RBM39: variants seen among roughly 807,000 people sequenced by gnomAD.
The protein encoded by RBM39 is RNA binding motif protein 39, also known as RNA-binding protein 39.
Under a neutral mutation model 79.6 loss-of-function variants are expected in RBM39, and 12 were observed. The observed-to-expected ratio is 0.15, with a 90% CI of 0.10 to 0.24. The LOEUF is 0.24. Among genes scored for constraint, RBM39 ranks in the 10% least tolerant of loss-of-function variants. RBM39 has a pLI of 1.00. For synonymous variants in RBM39, 185 were observed against 208.4 expected, an observed-to-expected ratio of 0.89 and a Z score of 0.97; for missense variants, 243 against 653.4, an observed-to-expected ratio of 0.37 and a Z score of 6.85.
chr20:35,709,469 C>T (rs1179737102), intron 12 of RBM39, among the ~76,000 whole-genome samples, 195 bp from the exon 13 acceptor site: 2 of 152,116 alleles, frequency 1.3e-5, no homozygotes, highest in African/African-American at 4.8e-5. Context: ...GGGAAACTTA[C>T]TTTTCCCTCT....
At chr20:35,704,784 G>A (rs186008461) in intron 15 of RBM39, 38 bp from the exon 16 acceptor site, 105 of 1,582,102 alleles carry the variant, frequency 6.6e-5, no homozygotes, top group Non-Finnish European at 8.7e-5. Flanking sequence ...AGATGTTGCT[G>A]TATGCAAAAT....
chr20:35,735,063 AT>A, intron 3 of RBM39: 1 of 1,571,754 alleles, frequency 6.4e-7, no homozygotes, highest in Non-Finnish European at 8.6e-7. Context: ...GAAGATCTAA[AT>A]TTTTAATGCA....
intron 8 of RBM39, among the ~76,000 whole-genome samples, chr20:35,722,848 G>T (rs1470012708): frequency 2.0e-5 from 3 of 151,668 alleles, no homozygotes; most frequent in Non-Finnish European, 4.4e-5. Flanking sequence ...GCAGGAGAAT[G>T]GCGTGAACCC....
chr20:35,729,062 T>A (rs1244316284), intron 6 of RBM39, among the ~76,000 whole-genome samples: 1 of 145,690 alleles, frequency 6.9e-6, no homozygotes, highest in Non-Finnish European at 1.5e-5. Context: ...GGTGACTGAG[T>A]GAGACTCCGT....
chr20:35,738,049 C>A (rs939775110), intron 3 of RBM39, among the ~76,000 whole-genome samples: 5 of 149,126 alleles, frequency 3.4e-5, no homozygotes, highest in African/African-American at 7.4e-5. Flanking sequence ...CCCAGCTAAT[C>A]GGAGGCTGAG....
At chr20:35,729,280 T>C in intron 6 of RBM39, 32 bp downstream of exon 6, 1 of 1,542,766 alleles carries the variant, frequency 6.5e-7, no homozygotes, top group South Asian at 1.2e-5. Context: ...AAAAGCTTTT[T>C]AAGAGCTAAA....
At chr20:35,741,750 G>A (rs1175719180) in intron 1 of RBM39, 191 bp downstream of exon 1, 2 of 153,104 alleles carry the variant, frequency 1.3e-5, no homozygotes, top group South Asian at 1.8e-4. Context: ...CCTCTCGGGG[G>A]TCCCTACCGC....
chr20:35,724,836 A>C (rs1483534188), intron 7 of RBM39, 114 bp from the exon 8 acceptor site: 11 of 1,283,852 alleles, frequency 8.6e-6, no homozygotes, highest in Admixed American at 2.3e-5. Flanking sequence ...TAAAAAAGTA[A>C]ATCTGTAGGA....
chr20:35,717,027 C>T (rs1393836182), intron 9 of RBM39, among the ~76,000 whole-genome samples: 3 of 151,854 alleles, frequency 2.0e-5, no homozygotes, highest in African/African-American at 4.8e-5. Context: ...CGCCTGTAAT[C>T]CCAGCATTTT....
intron 12 of RBM39, among the ~76,000 whole-genome samples, chr20:35,711,413 C>T (rs564936697): frequency 1.1e-3 from 164 of 152,200 alleles, no homozygotes; most frequent in Non-Finnish European, 2.0e-3. Context: ...ATAGCTAACA[C>T]TATAAGCTCA....
intron 9 of RBM39, among the ~76,000 whole-genome samples, chr20:35,719,656 G>A (rs1301883141): frequency 6.6e-6 from 1 of 152,048 alleles, no homozygotes; most frequent in Non-Finnish European, 1.5e-5. Flanking sequence ...CAGCCTAGGC[G>A]CAAGGAGTGA....
chr20:35,732,179 CCA>C, intron 3 of RBM39, 44 bp from the exon 4 acceptor site: 1 of 1,562,826 alleles, frequency 6.4e-7, no homozygotes, highest in Middle Eastern at 1.7e-4. Flanking sequence ...GCTTAAGAAC[CCA>C]CCAAAATATA....
Position 35,739,015 on chromosome 20 carries a change from A to G in RBM39, c.54T>C (p.Asp18=), listed in dbSNP as rs752483626. Residue 18 remains aspartate (D), a splice_region_variant and synonymous_variant, in exon 3 of 17, where the codon GAT becomes GAC. Transcript: ENST00000253363. ...CGTTGGCACTGCTCAACTTGTTCTC[A>G]TCCTAAGCAGGGTTGATAGAAGAAC... ...EAMLEAPYKK[D]ENKLSSANGH... is the part of the protein sequence containing the mutation. 4.3e-6 allele frequency: 7 copies of G among 1,612,392 alleles called. No homozygotes were observed. In the African/African-American group the frequency reaches 9.3e-5, roughly 22 times the overall value.
At chr20:35,728,219 G>A (rs2038972597) in intron 6 of RBM39, among the ~76,000 whole-genome samples, 1 of 149,502 alleles carries the variant, frequency 6.7e-6, no homozygotes, top group Admixed American at 6.6e-5. Flanking sequence ...AAAACTTACT[G>A]TTACAACTAC....
Position 35,709,383 on chromosome 20 carries a change from T to TA in RBM39, c.1175-110dup, listed in dbSNP as rs1848389142. On this transcript the variant is annotated intron_variant, in intron 12 of 16. Coordinates refer to ENST00000253363, the MANE Select transcript of RBM39 (RefSeq NM_184234.3). ...GCAGGGTTCATTCAAATGCACTTAG[T>TA]AAAACCTGGCAGCAAAACCTCCTTC... 3.3e-6 allele frequency: 3 copies of TA among 909,844 alleles called. No homozygotes were observed. The Admixed American group carries it at 8.5e-5, about 26-fold the overall frequency. 56.4% of individuals were successfully genotyped at this position (909,844 alleles called of 1,614,324 possible).
chr20:35,725,333 A>G (rs894301225), intron 6 of RBM39, among the ~76,000 whole-genome samples, 178 bp from the exon 7 acceptor site: 2 of 152,150 alleles, frequency 1.3e-5, no homozygotes, highest in Non-Finnish European at 2.9e-5. Flanking sequence ...TGAGCAGTAT[A>G]TACTGTACCC....
intron 8 of RBM39, 112 bp from the exon 9 acceptor site, chr20:35,721,989 C>T: frequency 8.0e-7 from 1 of 1,242,604 alleles, no homozygotes; most frequent in Non-Finnish European, 1.1e-6. Flanking sequence ...AAATACTACC[C>T]TACGTAAGTC....
At chr20:35,736,306 A>T (rs1167327756) in intron 3 of RBM39, among the ~76,000 whole-genome samples, 1 of 152,112 alleles carries the variant, frequency 6.6e-6, no homozygotes, top group Non-Finnish European at 1.5e-5. Context: ...TGATCCCCAC[A>T]ATTTCTTGTG....
chr20:35,721,857 TGCA>T lies in RBM39; in HGVS notation c.705_707del (p.Ala237del), dbSNP rs2037976824. 6.2e-7 allele frequency: 1 copy of T among 1,613,916 alleles called. No homozygotes were observed. Among genetic ancestry groups the T allele is most frequent in the African/African-American group, 1.3e-5 (1 of 74,916 alleles). On this transcript the variant is annotated inframe_deletion, in exon 9 of 17. Coordinates refer to ENST00000253363, the MANE Select transcript of RBM39 (RefSeq NM_184234.3). ...CCTTTTGTAAATTGTTTGCCATTGC[TGCA>T]GCTCTGTTTTTTTCTGCCTAGAAGA...
Sources: gnomAD v4.1 joint callset for allele counts (sites outside exome capture counted in the v4.1 genomes callset) on GRCh38, gnomAD v4.1.1 for gene constraint, MANE v1.5 for transcripts, NCBI Gene and HGNC (gene_info 2026-07-23, HGNC 2026-07-21) for gene names.